The following TASP1 variants were observed in gnomAD, a reference collection of about 807,000 sequenced individuals.
The protein encoded by TASP1 is threonine aspartase 1.
In TASP1, 16 loss-of-function variants were observed where a neutral mutation model predicts 56.6. The observed-to-expected ratio is 0.28, with a 90% CI of 0.19 to 0.43. The LOEUF (loss-of-function observed/expected upper bound fraction) is 0.43. Among genes scored for constraint, TASP1 ranks in the 20% least tolerant of loss-of-function variants. The probability of loss-of-function intolerance (pLI) is 1.00; values close to 1 mark genes in which losing one functional copy is unlikely to be tolerated. For missense variants in TASP1, 393 were observed against 511.6 expected, an observed-to-expected ratio of 0.77 and a Z score of 2.24; for synonymous variants, 179 against 184.2, an observed-to-expected ratio of 0.97 and a Z score of 0.23.
At chr20:13,403,018 C>A (rs185134801) in intron 13 of TASP1, among the ~76,000 whole-genome samples, 57 of 152,222 alleles carry the variant, frequency 3.7e-4, no homozygotes, top group Admixed American at 1.7e-3. Context: ...ATTTAAAAAC[C>A]TAAGTTGTGG....
chr20:13,555,099 C>T (rs2046110544), intron 8 of TASP1, among the ~76,000 whole-genome samples: 2 of 151,998 alleles, frequency 1.3e-5, no homozygotes, highest in South Asian at 4.2e-4. Context: ...TATTTTAAAT[C>T]CTGGCTGGGC....
At chr20:13,135,886 T>G in the TASP1 span, among the ~76,000 whole-genome samples, 1 of 152,242 alleles carries the variant, frequency 6.6e-6, no homozygotes, top group African/African-American at 2.4e-5. Context: ...AATCACCAAC[T>G]TTCTGAATCA....
intron 10 of TASP1, among the ~76,000 whole-genome samples, chr20:13,496,320 G>A (rs557670264): frequency 1.3e-5 from 2 of 152,296 alleles, no homozygotes; most frequent in East Asian, 1.9e-4. Flanking sequence ...CTCCCAAAGT[G>A]CTGGGATTAC....
chr20:13,339,802 A>G, the TASP1 span, among the ~76,000 whole-genome samples: 2 of 152,042 alleles, frequency 1.3e-5, no homozygotes, highest in Non-Finnish European at 2.9e-5. Context: ...CACAAAAGCC[A>G]GGGATTATGT....
chr20:13,249,744 G>A, the TASP1 span, among the ~76,000 whole-genome samples: 1 of 152,114 alleles, frequency 6.6e-6, no homozygotes, highest in Admixed American at 6.6e-5. Flanking sequence ...TACTTCTCCT[G>A]AACCATTTTT....
chr20:13,554,464 A>G (rs990010368), intron 8 of TASP1, among the ~76,000 whole-genome samples: 1 of 152,168 alleles, frequency 6.6e-6, no homozygotes, highest in African/African-American at 2.4e-5. Context: ...TCTGGCTTTA[A>G]TTTGTATTTC....
chr20:13,348,214 A>T, the TASP1 span, among the ~76,000 whole-genome samples: 2 of 152,224 alleles, frequency 1.3e-5, no homozygotes, highest in Admixed American at 6.5e-5. Context: ...AAGTGTTAAC[A>T]GCAGCTTGTC....
chr20:13,508,944 T>C lies in TASP1; in HGVS notation c.874+19489A>G, dbSNP rs150402851. Among the ~76,000 whole-genome samples the C allele has an allele frequency of 5.1e-3, 773 of 152,168 alleles. 4 individuals are homozygous for C. Among genetic ancestry groups the C allele is most frequent in the East Asian group, 0.012 (60 of 5,180 alleles). On this transcript the variant is annotated intron_variant, in intron 10 of 13. Transcript: ENST00000337743. ...AACAACATGGAGGTTCCTCAAAAAG[T>C]TAAAAACAGAACTACCATATAATCG...
chr20:13,628,392 A>G (rs2048973224), intron 2 of TASP1, among the ~76,000 whole-genome samples: 1 of 152,230 alleles, frequency 6.6e-6, no homozygotes. Flanking sequence ...AGTGTAGTGG[A>G]AAGAACACAG....
At chr20:13,139,703 T>A in the TASP1 span, among the ~76,000 whole-genome samples, 1 of 152,118 alleles carries the variant, frequency 6.6e-6, no homozygotes, top group Non-Finnish European at 1.5e-5. Flanking sequence ...AGGAAATGAG[T>A]TTGGTGAGTA....
At chr20:13,112,225 A>T in the TASP1 span, among the ~76,000 whole-genome samples, 1 of 152,156 alleles carries the variant, frequency 6.6e-6, no homozygotes, top group Admixed American at 6.5e-5. Context: ...TTCAGCTGAC[A>T]CTTTGTCTGG....
At chr20:13,572,034 A>C (rs919220894) in intron 6 of TASP1, among the ~76,000 whole-genome samples, 29 of 152,118 alleles carry the variant, frequency 1.9e-4, no homozygotes, top group Admixed American at 1.3e-4. Flanking sequence ...CAATCTCCTT[A>C]TCCTGCTCCT....
At chr20:13,220,371 A>T in the TASP1 span, among the ~76,000 whole-genome samples, 1 of 152,128 alleles carries the variant, frequency 6.6e-6, no homozygotes, top group African/African-American at 2.4e-5. Context: ...TCCATTCGCC[A>T]ACCGCCCACT....
At chr20:13,465,505 A>G (rs1054827340) in intron 11 of TASP1, among the ~76,000 whole-genome samples, 5 of 152,062 alleles carry the variant, frequency 3.3e-5, no homozygotes, top group Admixed American at 2.0e-4. Flanking sequence ...AAATCTGTAC[A>G]CTAGCACTCA....
chr20:13,416,030 C>A (rs2042242670), intron 13 of TASP1, among the ~76,000 whole-genome samples: 1 of 152,140 alleles, frequency 6.6e-6, no homozygotes, highest in South Asian at 2.1e-4. Context: ...CATACTTATT[C>A]ATTAAACCTG....
chr20:13,529,789 A>G (rs1185431164), intron 9 of TASP1, among the ~76,000 whole-genome samples: 1 of 152,162 alleles, frequency 6.6e-6, no homozygotes, highest in Non-Finnish European at 1.5e-5. Flanking sequence ...ACCAGACTTC[A>G]GCTTTCTATG....
intron 4 of TASP1, among the ~76,000 whole-genome samples, chr20:13,588,302 GAAGGAAGAGAAAGAA>G (rs1568618232): frequency 0.015 from 1,690 of 110,314 alleles, 14 homozygotes; most frequent in Middle Eastern, 0.062. Flanking sequence ...AGGAAGGAAG[GAAGGAAGAGAAAGAA>G]AAGGAAGGAA....
At chr20:13,635,906 G>A (rs1274841678) in intron 1 of TASP1, among the ~76,000 whole-genome samples, 3 of 152,006 alleles carry the variant, frequency 2.0e-5, no homozygotes, top group African/African-American at 7.3e-5. Context: ...CTAAAAGATG[G>A]TTTTATTTTC....
chr20:13,504,257 A>G (rs6074616), intron 10 of TASP1, among the ~76,000 whole-genome samples: 92,448 of 151,794 alleles, frequency 0.61, 28,749 homozygotes, highest in Non-Finnish European at 0.68. Flanking sequence ...CAGATTTCTC[A>G]GTAGAAACCT....
Sources: gnomAD v4.1 joint callset for allele counts (sites outside exome capture counted in the v4.1 genomes callset) on GRCh38, gnomAD v4.1.1 for gene constraint, MANE v1.5 for transcripts, NCBI Gene and HGNC (gene_info 2026-07-23, HGNC 2026-07-21) for gene names.